Variants in OTOGL observed in about 807,000 individuals in gnomAD.
OTOGL encodes the protein otogelin like.
A neutral mutation model predicts 318.5 loss-of-function variants in OTOGL; 285 were observed. That is an observed-to-expected ratio of 0.89 (90% CI 0.81 to 0.99). The LOEUF is 0.99. Ranked by LOEUF, OTOGL falls within the 50% of genes least tolerant of loss-of-function variation. The pLI is 0.00. For synonymous variants in OTOGL, 987 were observed against 936.5 expected (o/e 1.05, Z -0.99); for missense variants, 2,899 against 2,845.6 (o/e 1.02, Z -0.43).
At chr12:80,105,089 G>A (rs1437891006) in intron 1 of OTOGL, among the ~76,000 whole-genome samples, 3 of 151,904 alleles carry the variant, frequency 2.0e-5, no homozygotes, top group African/African-American at 7.3e-5. Flanking sequence ...GGCAACAAGA[G>A]CAAAACTCCG....
At chr12:80,201,836 T>C (rs995281595) in intron 1 of OTOGL, among the ~76,000 whole-genome samples, 3 of 152,144 alleles carry the variant, frequency 2.0e-5, no homozygotes, top group Non-Finnish European at 4.4e-5. Flanking sequence ...CTAGGAGGTA[T>C]AATAAAGGTA....
intron 34 of OTOGL, among the ~76,000 whole-genome samples, chr12:80,322,663 T>G (rs542362204): frequency 1.3e-5 from 2 of 152,342 alleles, no homozygotes; most frequent in South Asian, 4.1e-4. Context: ...TTTGAACTGC[T>G]ACAAAAGGAC....
intron 18 of OTOGL, 97 bp downstream of exon 18, chr12:80,258,099 C>A: frequency 9.4e-7 from 1 of 1,067,650 alleles, no homozygotes; most frequent in Non-Finnish European, 1.3e-6. Flanking sequence ...AATTGCTTAG[C>A]TGTCATTATC....
intron 52 of OTOGL, 107 bp downstream of exon 52, chr12:80,359,007 C>T: frequency 1.1e-6 from 1 of 925,868 alleles, no homozygotes; most frequent in Admixed American, 2.9e-5. Context: ...AAATTACCCA[C>T]ATTAAATTGT....
chr12:80,226,339 T>C (rs1036066255), intron 7 of OTOGL, among the ~76,000 whole-genome samples: 2 of 152,130 alleles, frequency 1.3e-5, no homozygotes, highest in African/African-American at 4.8e-5. Context: ...TAGGTTATGA[T>C]GATTTTCTGT....
At chr12:80,152,839 A>G (rs1381143004) in intron 1 of OTOGL, among the ~76,000 whole-genome samples, 1 of 152,022 alleles carries the variant, frequency 6.6e-6, no homozygotes, top group Non-Finnish European at 1.5e-5. Context: ...AGCTGGTGGT[A>G]TGCACCACCA....
At chr12:80,346,987 C>G in intron 44 of OTOGL, among the ~76,000 whole-genome samples, 1 of 152,124 alleles carries the variant, frequency 6.6e-6, no homozygotes, top group East Asian at 1.9e-4. Context: ...GATTCCACTT[C>G]CAAAATATAT....
At chr12:80,139,719 A>G (rs1871806374) in intron 1 of OTOGL, among the ~76,000 whole-genome samples, 1 of 152,168 alleles carries the variant, frequency 6.6e-6, no homozygotes, top group Admixed American at 6.5e-5. Flanking sequence ...TGCCTTAAAG[A>G]CAGTAGGTGC....
Position 80,265,195 on chromosome 12 carries a change from C to T in OTOGL, c.2209C>T (p.Gln737Ter). 1 of 1,613,470 alleles carries T rather than the reference C, an allele frequency of 6.2e-7. No homozygotes were observed. Among genetic ancestry groups the T allele is most frequent in the African/African-American group, 1.3e-5 (1 of 75,056 alleles). ...QHGVPIDFRT[Q>*]ISFCAVVCQK... ...CGGTGTTCCCATTGATTTCAGAACT[C>T]AGATTTCTTTCTGTGGTGAGTACAA... Residue 737 changes from glutamine to a stop codon, truncating the protein, a stop_gained, in exon 20 of 59, where the codon CAG (glutamine) becomes TAG (stop). Coordinates refer to ENST00000547103, the MANE Select transcript of OTOGL (RefSeq NM_001378609.3). LOFTEE classifies it high-confidence loss of function.
At chr12:80,158,951 A>G (rs1475292192) in intron 1 of OTOGL, among the ~76,000 whole-genome samples, 1 of 152,004 alleles carries the variant, frequency 6.6e-6, no homozygotes, top group Non-Finnish European at 1.5e-5. Context: ...CCTGTTCAGT[A>G]TTATGTTAGC....
Position 80,265,013 on chromosome 12 carries a change from C to A in OTOGL, c.2027C>A (p.Ala676Glu), listed in dbSNP as rs1238940150. The A allele has an allele frequency of 3.7e-6, 6 of 1,613,736 alleles. No individual in the cohort carries two copies. In the African/African-American group the frequency reaches 8.0e-5, roughly 22 times the overall value. Residue 676 changes from alanine to glutamate, a missense_variant, in exon 20 of 59, where the codon GCA becomes GAA. Transcript: ENST00000547103. ...NINQQNIGYA[A>E]HCDVIHQELF... Reference sequence around the variant, plus strand: ...GGCTCTTTGTTAGTTGGGTATGCAGCACACTGTGATGTCATCCACCAGGAG... The same window carrying A: ...GGCTCTTTGTTAGTTGGGTATGCAGAACACTGTGATGTCATCCACCAGGAG...
Position 80,270,020 on chromosome 12 carries a change from C to T in OTOGL, c.2466-82C>T, listed in dbSNP as rs116999523. 2.4e-3 allele frequency: 2,692 copies of T among 1,110,834 alleles called. 52 individuals carry two copies. In the East Asian group the frequency reaches 0.05, roughly 21 times the overall value. The allele number at this position is 1,110,834 out of a possible 1,614,324, so 68.8% of individuals were successfully genotyped here. A position where few individuals can be genotyped will look rare whatever the true frequency, so the allele number is the denominator to read the frequency against. On this transcript the variant is annotated intron_variant, in intron 22 of 58. Transcript: ENST00000547103. ...ATAATGTACTCAATCAATTCTTGTACGTTAGATTGTTGTCGAAATTCAGGG... is the reference window on the plus strand; with the variant it reads ...ATAATGTACTCAATCAATTCTTGTATGTTAGATTGTTGTCGAAATTCAGGG...
chr12:80,127,979 G>T (rs911263820), intron 1 of OTOGL, among the ~76,000 whole-genome samples: 1 of 152,080 alleles, frequency 6.6e-6, no homozygotes. Context: ...TTTGCCATGG[G>T]TTCAAACTTC....
intron 43 of OTOGL, 112 bp downstream of exon 43, chr12:80,339,376 A>T: frequency 2.3e-6 from 2 of 858,262 alleles, no homozygotes; most frequent in Non-Finnish European, 1.7e-6. Context: ...CAGATTTGAG[A>T]TGTGATATTA....
intron 44 of OTOGL, chr12:80,343,522 T>G (rs1324532312): frequency 1.5e-4 from 20 of 131,918 alleles, no homozygotes; most frequent in African/African-American, 5.2e-4. Context: ...TTTTTTTTTT[T>G]TTTTTTTTTT....
chr12:80,213,825 C>G (rs775435871), intron 4 of OTOGL, among the ~76,000 whole-genome samples: 1 of 152,150 alleles, frequency 6.6e-6, no homozygotes. Flanking sequence ...TAATCTTGCA[C>G]TGAGCTGTTT....
intron 1 of OTOGL, among the ~76,000 whole-genome samples, chr12:80,135,869 C>T (rs960281200): frequency 6.6e-6 from 1 of 152,188 alleles, no homozygotes; most frequent in Non-Finnish European, 1.5e-5. Context: ...GGCCGACTCT[C>T]ACCTGAGTGA....
intron 32 of OTOGL, 82 bp downstream of exon 32, chr12:80,314,413 G>T (rs1244468633): frequency 1.5e-5 from 7 of 464,374 alleles, no homozygotes; most frequent in Non-Finnish European, 6.8e-6. Context: ...AACAACTTAT[G>T]CTGTGAACAA....
At chr12:80,168,915 C>T (rs901281779) in intron 1 of OTOGL, among the ~76,000 whole-genome samples, 7 of 152,314 alleles carry the variant, frequency 4.6e-5, no homozygotes, top group Non-Finnish European at 8.8e-5. Flanking sequence ...CCTTTCCTTG[C>T]TTCTCCGTTA....
Sources: gnomAD v4.1 joint callset for allele counts (sites outside exome capture counted in the v4.1 genomes callset) on GRCh38, gnomAD v4.1.1 for gene constraint, MANE v1.5 for transcripts, NCBI Gene and HGNC (gene_info 2026-07-23, HGNC 2026-07-21) for gene names.